LAMTOR3: variants seen among roughly 807,000 people sequenced by gnomAD.
LAMTOR3 encodes the protein ragulator complex protein LAMTOR3.
In LAMTOR3, 14 loss-of-function variants were observed where a neutral mutation model predicts 20.3. That is an observed-to-expected ratio of 0.69 (90% confidence interval 0.46 to 1.08). The LOEUF is 1.08. LAMTOR3 is among the 50% of genes least tolerant of loss of function. The probability of loss-of-function intolerance (pLI) is 0.00; values close to 1 mark genes in which losing one functional copy is unlikely to be tolerated. For synonymous variants in LAMTOR3, 40 were observed against 49.4 expected, an observed-to-expected ratio of 0.81 and a Z score of 0.80; for missense variants, 125 against 143.7, an observed-to-expected ratio of 0.87 and a Z score of 0.67.
chr4:99,878,553 A>T lies in LAMTOR3; in HGVS notation c.*3441T>A, dbSNP rs1056196590. 6.6e-6 allele frequency: 1 copy of T among 152,174 alleles called. No homozygotes were observed. Among genetic ancestry groups the T allele is most frequent in the Non-Finnish European group, 1.5e-5 (1 of 68,038 alleles). The allele number at this position is 152,174 out of a possible 1,614,324, so 9.4% of individuals were successfully genotyped here. On this transcript the variant is annotated 3_prime_UTR_variant, in exon 7 of 7. Coordinates refer to ENST00000499666, the MANE Select transcript of LAMTOR3 (RefSeq NM_021970.4). Reference sequence around the variant, plus strand: ...TACCAATGTGATCAGGTTCTTCCATATATGTCTTCAGAGACAGTCTACCAT... The same window carrying T: ...TACCAATGTGATCAGGTTCTTCCATTTATGTCTTCAGAGACAGTCTACCAT...
In LAMTOR3 at chr4:99,885,566, G is replaced by A. The variant is rs183234371; in HGVS notation, c.213C>T (p.Ile71=). 3.7e-6 allele frequency: 6 copies of A among 1,612,542 alleles called. No homozygotes were observed. Among genetic ancestry groups the A allele is most frequent in the Middle Eastern group, 1.7e-4 (1 of 6,052 alleles). ...CCTGGTAGGTGTTATAGTAACAGAT[G>A]ATACTTTTATTTTTGGAAAGTCCAA... ...SKLGLSKNKS[I]ICYYNTYQVV... The change falls in exon 5 of 7, where the codon ATC becomes ATT. Residue 71 remains isoleucine (I), a synonymous_variant. Transcript: ENST00000499666.
chr4:99,884,684 G>A (rs1241545777), intron 5 of LAMTOR3, among the ~76,000 whole-genome samples: 1 of 152,144 alleles, frequency 6.6e-6, no homozygotes, highest in Non-Finnish European at 1.5e-5. Flanking sequence ...TAAAAGATGG[G>A]CCTGGCACGG....
intron 5 of LAMTOR3, among the ~76,000 whole-genome samples, chr4:99,884,972 A>C (rs1213224415): frequency 6.7e-6 from 1 of 149,234 alleles, no homozygotes; most frequent in Non-Finnish European, 1.5e-5. Context: ...TCTTGGAAGA[A>C]AAAAAAAAAA....
intron 2 of LAMTOR3, among the ~76,000 whole-genome samples, chr4:99,893,031 G>A (rs916354579): frequency 6.6e-6 from 1 of 152,078 alleles, no homozygotes; most frequent in Admixed American, 6.5e-5. Context: ...TGTTTAACAC[G>A]AAACACAGTT....
At chr4:99,889,310 C>T (rs981262318) in intron 3 of LAMTOR3, among the ~76,000 whole-genome samples, 1 of 152,240 alleles carries the variant, frequency 6.6e-6, no homozygotes, top group South Asian at 2.1e-4. Context: ...TTATTTTGTG[C>T]AGTTACCAAA....
chr4:99,884,058 A>C lies in LAMTOR3; in HGVS notation c.301+4T>G, dbSNP rs1296773948. On this transcript the variant is annotated splice_donor_region_variant and intron_variant, in intron 6 of 6. Transcript: ENST00000499666. ...AAAGTGATATTTAAGGTCATTAAACACACCTGTATTGGCACTGCTGCTGGC... is the reference window on the plus strand; with the variant it reads ...AAAGTGATATTTAAGGTCATTAAACCCACCTGTATTGGCACTGCTGCTGGC... 31 of 1,591,016 alleles carry C rather than the reference A, an allele frequency of 1.9e-5. No individual in the cohort carries two copies. The highest frequency in any genetic ancestry group is 2.6e-5 in the Non-Finnish European group (30 of 1,161,126).
intron 3 of LAMTOR3, 26 bp from the exon 4 acceptor site, chr4:99,887,380 T>C: frequency 9.3e-7 from 1 of 1,080,454 alleles, no homozygotes; most frequent in Non-Finnish European, 1.3e-6. Flanking sequence ...AGTTAAAATA[T>C]AAAAAAAGTT....
chr4:99,881,944 T>C lies in LAMTOR3; in HGVS notation c.*50A>G, dbSNP rs1408668017. On this transcript the variant is annotated 3_prime_UTR_variant, in exon 7 of 7. Coordinates refer to ENST00000499666, the MANE Select transcript of LAMTOR3 (RefSeq NM_021970.4). ...TGTAGTCTAAAGATTGCTGGATTGA[T>C]ATTGTGTTGTTATAATGAAGATAAG... The C allele has an allele frequency of 5.0e-6, 6 of 1,202,598 alleles. No homozygotes were observed. Among genetic ancestry groups the C allele is most frequent in the East Asian group, 2.4e-5 (1 of 42,496 alleles). The allele number at this position is 1,202,598 out of a possible 1,614,324, so 74.5% of individuals were successfully genotyped here. A position where few individuals can be genotyped will look rare whatever the true frequency, so the allele number is the denominator to read the frequency against.
Position 99,878,681 on chromosome 4 carries a change from C to T in LAMTOR3, c.*3313G>A, listed in dbSNP as rs1477580455. 1 of 152,134 alleles carries T rather than the reference C, an allele frequency of 6.6e-6. No homozygotes were observed. The highest frequency in any genetic ancestry group is 2.4e-5 in the African/African-American group (1 of 41,428). 9.4% of individuals were successfully genotyped at this position (152,134 alleles called of 1,614,324 possible). On this transcript the variant is annotated 3_prime_UTR_variant, in exon 7 of 7. Coordinates refer to ENST00000499666, the MANE Select transcript of LAMTOR3 (RefSeq NM_021970.4). ...GCTTTTCTCAATAAACATTATTATG[C>T]CTTAGAGATCTTTTCATCTCAGTAC...
intron 3 of LAMTOR3, 134 bp from the exon 4 acceptor site, chr4:99,887,488 CCA>C (rs1271729033): frequency 9.0e-6 from 3 of 332,148 alleles, no homozygotes; most frequent in East Asian, 5.9e-5. Context: ...TTCTGAAAAA[CCA>C]CAGACCCCAA....
chr4:99,887,863 G>A (rs1724957184), intron 3 of LAMTOR3, among the ~76,000 whole-genome samples: 1 of 152,192 alleles, frequency 6.6e-6, no homozygotes, highest in Non-Finnish European at 1.5e-5. Context: ...AACTAAAACT[G>A]GTGGCAAGTG....
intron 3 of LAMTOR3, among the ~76,000 whole-genome samples, chr4:99,889,071 G>C (rs935950689): frequency 2.0e-5 from 3 of 152,174 alleles, no homozygotes; most frequent in African/African-American, 7.2e-5. Flanking sequence ...TGGGTGTGGT[G>C]GTGCTTGTCT....
intron 3 of LAMTOR3, among the ~76,000 whole-genome samples, chr4:99,888,270 T>A (rs1648884219): frequency 1.3e-5 from 2 of 152,244 alleles, no homozygotes; most frequent in South Asian, 4.1e-4. Flanking sequence ...AATTTAATAA[T>A]ACAAGGCATG....
intron 3 of LAMTOR3, among the ~76,000 whole-genome samples, chr4:99,888,927 G>T (rs1230279156): frequency 2.0e-5 from 3 of 151,996 alleles, no homozygotes; most frequent in Non-Finnish European, 4.4e-5. Flanking sequence ...AACATAGGCC[G>T]GGCACAGTGG....
intron 2 of LAMTOR3, 30 bp downstream of exon 2, chr4:99,893,923 TCC>T: frequency 2.1e-6 from 3 of 1,459,228 alleles, no homozygotes; most frequent in Non-Finnish European, 1.8e-6. Context: ...TTCCCCACTC[TCC>T]CCTTCCTCTT....
At chr4:99,883,375 GAGAC>G (rs1382278898) in intron 6 of LAMTOR3, among the ~76,000 whole-genome samples, 8 of 151,904 alleles carry the variant, frequency 5.3e-5, no homozygotes, top group African/African-American at 1.7e-4. Context: ...AAATCTAAAG[GAGAC>G]AGACCTTTTA....
In LAMTOR3 at chr4:99,885,688, G is replaced by A. The variant is rs535019811; in HGVS notation, c.104-13C>T. 2 of 1,606,954 alleles carry A rather than the reference G, an allele frequency of 1.2e-6. No individual in the cohort carries two copies. Among genetic ancestry groups the A allele is most frequent in the East Asian group, 4.5e-5 (2 of 44,638 alleles). The stretch of plus-strand genomic sequence containing the variant: ...TTGTCATTTGCCACTAGAAAAATAA[G>A]TGATTTAAATAAAAATTATGCAGAG... On this transcript the variant is annotated splice_polypyrimidine_tract_variant and intron_variant, in intron 4 of 6. Transcript: ENST00000499666.
At chr4:99,892,388 T>A (rs1216315835) in intron 2 of LAMTOR3, among the ~76,000 whole-genome samples, 1 of 152,168 alleles carries the variant, frequency 6.6e-6, no homozygotes, top group Non-Finnish European at 1.5e-5. Flanking sequence ...GTGTTTTACA[T>A]CCTGTTGCTA....
At position 99,878,512 on chromosome 4, in the gene LAMTOR3, T is replaced by C. The variant is rs1724753344; in HGVS notation, c.*3482A>G. ...GATCCTTATCCCCCAGGTATCTAGTTCTGCTCCTTGGAGACTACCAATGTG... is the reference window on the plus strand; with the variant it reads ...GATCCTTATCCCCCAGGTATCTAGTCCTGCTCCTTGGAGACTACCAATGTG... On this transcript the variant is annotated 3_prime_UTR_variant, in exon 7 of 7. Transcript: ENST00000499666. 1 of 152,214 alleles carries C rather than the reference T, an allele frequency of 6.6e-6. No homozygotes were observed. The highest frequency in any genetic ancestry group is 1.5e-5 in the Non-Finnish European group (1 of 68,030). The allele number at this position is 152,214 out of a possible 1,614,324, so 9.4% of individuals were successfully genotyped here. A position where few individuals can be genotyped will look rare whatever the true frequency, so the allele number is the denominator to read the frequency against.
Sources: gnomAD v4.1 joint callset for allele counts (sites outside exome capture counted in the v4.1 genomes callset) on GRCh38, gnomAD v4.1.1 for gene constraint, MANE v1.5 for transcripts, NCBI Gene and HGNC (gene_info 2026-07-23, HGNC 2026-07-21) for gene names.